DLEU7: variants seen among roughly 807,000 people sequenced by gnomAD.
DLEU7 encodes the protein leukemia-associated protein 7.
DLEU7 carries 17 observed loss-of-function variants against 16.0 expected under a neutral mutation model. The ratio of observed to expected loss-of-function variants is 1.06; its 90% CI spans 0.73 to 1.59. The LOEUF is 1.59. Among genes scored for constraint, DLEU7 ranks in the 40% most tolerant of loss-of-function variants. The pLI is 0.00. For missense variants in DLEU7, 308 were observed against 314.9 expected (o/e 0.98, Z 0.17); for synonymous variants, 113 against 139.8 (o/e 0.81, Z 1.35).
intron 1 of DLEU7, among the ~76,000 whole-genome samples, chr13:50,832,139 T>C (rs1877292544): frequency 6.6e-6 from 1 of 152,202 alleles, no homozygotes; most frequent in East Asian, 1.9e-4. Flanking sequence ...TGGTAGGTTA[T>C]TAATTACTGC....
At chr13:50,721,693 C>G (rs188442880) in intron 1 of DLEU7, among the ~76,000 whole-genome samples, 22 of 152,162 alleles carry the variant, frequency 1.4e-4, no homozygotes, top group Middle Eastern at 3.4e-3. Flanking sequence ...GAACTGAAAA[C>G]TCAAGCATCA....
intron 1 of DLEU7, among the ~76,000 whole-genome samples, chr13:50,785,517 C>A (rs188948067): frequency 9.7e-4 from 147 of 152,254 alleles, no homozygotes; most frequent in Admixed American, 8.6e-3. Context: ...GCTGAATAGT[C>A]CTTACAGCCT....
At chr13:50,790,386 AT>A (rs1875920881) in intron 1 of DLEU7, among the ~76,000 whole-genome samples, 1 of 151,994 alleles carries the variant, frequency 6.6e-6, no homozygotes, top group Admixed American at 6.5e-5. Context: ...ATCCTTTTAT[AT>A]TTTTTTCATG....
intron 1 of DLEU7, among the ~76,000 whole-genome samples, chr13:50,802,470 G>A (rs1416438240): frequency 2.0e-5 from 3 of 152,120 alleles, no homozygotes; most frequent in African/African-American, 7.2e-5. Flanking sequence ...CTTCATATTG[G>A]TGTCTTCATT....
Position 50,738,008 on chromosome 13 carries a change from T to G in DLEU7, c.460-24768A>C, listed in dbSNP as rs919958851. On this transcript the variant is annotated intron_variant, in intron 1 of 1. Transcript: ENST00000400393. ...AGTAAACACACGAATGATAAGAAAG[T>G]GATTGCTTATTGCTGATATGGAGGA... is the stretch of plus-strand genomic sequence containing the variant. 2.6e-5 allele frequency among the ~76,000 whole-genome samples: 4 copies of G among 152,070 alleles called. No individual in the cohort carries two copies. In the South Asian group the frequency reaches 8.3e-4, roughly 31 times the overall value.
intron 1 of DLEU7, among the ~76,000 whole-genome samples, chr13:50,740,277 C>A (rs1874216899): frequency 6.6e-6 from 1 of 152,158 alleles, no homozygotes; most frequent in Non-Finnish European, 1.5e-5. Context: ...GTAAACCATT[C>A]TTTCAACATC....
At chr13:50,790,213 G>A (rs926027066) in intron 1 of DLEU7, among the ~76,000 whole-genome samples, 2 of 151,922 alleles carry the variant, frequency 1.3e-5, no homozygotes, top group African/African-American at 4.8e-5. Context: ...GATTACAGGC[G>A]TGAGCCACCA....
intron 1 of DLEU7, among the ~76,000 whole-genome samples, chr13:50,764,049 G>A (rs1462576559): frequency 6.6e-6 from 1 of 152,230 alleles, no homozygotes; most frequent in Non-Finnish European, 1.5e-5. Flanking sequence ...GGCACTGCAG[G>A]TAGAGTGTAC....
chr13:50,713,016 G>C (rs569526911), exon 2 of DLEU7: 1 of 572,704 alleles, frequency 1.7e-6, no homozygotes, highest in African/African-American at 1.9e-5. Context: ...TTTGTGGCGC[G>C]TTCCAATCGG....
intron 1 of DLEU7, among the ~76,000 whole-genome samples, chr13:50,758,277 C>T (rs532243694): frequency 2.6e-5 from 4 of 152,132 alleles, no homozygotes; most frequent in South Asian, 2.1e-4. Flanking sequence ...GCTAAAGAAA[C>T]GTTAAAAACA....
intron 1 of DLEU7, among the ~76,000 whole-genome samples, chr13:50,831,102 GTA>G: frequency 7.1e-6 from 1 of 141,526 alleles, no homozygotes; most frequent in Non-Finnish European, 1.5e-5. Flanking sequence ...TGGGAGATCA[GTA>G]AGGAGGAGGA....
At position 50,743,523 on chromosome 13, in the gene DLEU7, T is replaced by G. The variant is rs935977850; in HGVS notation, c.460-30283A>C. Among the ~76,000 whole-genome samples, 3 of 152,240 alleles carry G rather than the reference T, an allele frequency of 2.0e-5. No individual in the cohort carries two copies. The South Asian group carries it at 6.2e-4, about 32-fold the overall frequency. ...AGCCTTAGTTTTCTCATCTGTAAAATGTGAGTAAGGATACCCTACCTTGCA... is the reference window on the plus strand; with the variant it reads ...AGCCTTAGTTTTCTCATCTGTAAAAGGTGAGTAAGGATACCCTACCTTGCA... On this transcript the variant is annotated intron_variant, in intron 1 of 1. Coordinates refer to the DLEU7 transcript ENST00000400393.
intron 1 of DLEU7, among the ~76,000 whole-genome samples, chr13:50,810,562 T>C (rs182279102): frequency 5.9e-5 from 9 of 152,208 alleles, no homozygotes; most frequent in African/African-American, 2.2e-4. Flanking sequence ...GAAGACTATA[T>C]CAGTAAGTGG....
chr13:50,745,784 C>G (rs770440071), intron 1 of DLEU7, among the ~76,000 whole-genome samples: 1 of 152,046 alleles, frequency 6.6e-6, no homozygotes, highest in Non-Finnish European at 1.5e-5. Flanking sequence ...GGTGGGTACT[C>G]TCTGAATGGC....
At position 50,784,518 on chromosome 13, in the gene DLEU7, T is replaced by C. The variant is rs372848544; in HGVS notation, c.459+58670A>G. Among the ~76,000 whole-genome samples the C allele has an allele frequency of 1.4e-3, 206 of 152,356 alleles. 10 individuals carry two copies. In the South Asian group the frequency reaches 0.041, roughly 30 times the overall value. On this transcript the variant is annotated intron_variant, in intron 1 of 1. Transcript: ENST00000400393. Reference sequence around the variant, plus strand: ...TCACATTATTCTCCAAGAAAGATGTTTGTGCCCCCAGATAATGGACATTTC... The same window carrying C: ...TCACATTATTCTCCAAGAAAGATGTCTGTGCCCCCAGATAATGGACATTTC...
At chr13:50,743,419 G>A (rs766145200) in intron 1 of DLEU7, among the ~76,000 whole-genome samples, 2 of 152,168 alleles carry the variant, frequency 1.3e-5, no homozygotes, top group African/African-American at 4.8e-5. Flanking sequence ...ATAGGCTCTG[G>A]AGACAAACAG....
intron 1 of DLEU7, among the ~76,000 whole-genome samples, chr13:50,739,211 C>G (rs1277314776): frequency 6.6e-6 from 1 of 152,168 alleles, no homozygotes. Flanking sequence ...TCGGACCTCT[C>G]AGGCTGGGTT....
intron 1 of DLEU7, among the ~76,000 whole-genome samples, chr13:50,729,439 G>A (rs1329048051): frequency 6.6e-6 from 1 of 152,102 alleles, no homozygotes; most frequent in African/African-American, 2.4e-5. Flanking sequence ...CTATTGATGG[G>A]CACCTAGGGT....
At chr13:50,791,801 G>A (rs75234738) in intron 1 of DLEU7, among the ~76,000 whole-genome samples, 5,567 of 152,208 alleles carry the variant, frequency 0.037, 304 homozygotes, top group African/African-American at 0.12. Context: ...ACAAAATCCA[G>A]AAATGTATTT....
Sources: gnomAD v4.1 joint callset for allele counts (sites outside exome capture counted in the v4.1 genomes callset) on GRCh38, gnomAD v4.1.1 for gene constraint, MANE v1.5 for transcripts, NCBI Gene and HGNC (gene_info 2026-07-23, HGNC 2026-07-21) for gene names.